Variants in BCAS3 observed in about 807,000 individuals in gnomAD.
BCAS3 encodes the protein BCAS4/BCAS3 fusion.
In BCAS3, 53 loss-of-function variants were observed where a neutral mutation model predicts 116.1. The observed-to-expected ratio is 0.46, with a 90% CI of 0.37 to 0.57. BCAS3 has a LOEUF of 0.57. BCAS3 is among the 20% of genes least tolerant of loss of function. BCAS3 has a pLI of 0.00. For synonymous variants in BCAS3, 391 were observed against 408.2 expected, an observed-to-expected ratio of 0.96 and a Z score of 0.51; for missense variants, 917 against 1,165.4, an observed-to-expected ratio of 0.79 and a Z score of 3.10.
intron 4 of BCAS3, among the ~76,000 whole-genome samples, chr17:60,695,119 A>AT (rs61173709): frequency 0.01 from 1,332 of 129,130 alleles, 21 homozygotes; most frequent in African/African-American, 0.019. Flanking sequence ...TATATACCAC[A>AT]TTTTTTTTTT....
chr17:61,137,416 G>A (rs1231348830), intron 22 of BCAS3, among the ~76,000 whole-genome samples: 2 of 152,214 alleles, frequency 1.3e-5, no homozygotes, highest in Non-Finnish European at 2.9e-5. Flanking sequence ...AAGATAGTAT[G>A]TGCATATAGC....
rs1173263689 is a variant in BCAS3, at chr17:61,084,790, T to C, written c.2425+226T>C. Among the ~76,000 whole-genome samples the C allele has an allele frequency of 6.6e-6, 1 of 152,238 alleles. No homozygotes were observed. The highest frequency in any genetic ancestry group is 6.5e-5 in the Admixed American group (1 of 15,288). On this transcript the variant is annotated intron_variant, in intron 22 of 23. Transcript: ENST00000407086. This position sits in a 1 kb window ranked among gnomAD's most constrained non-coding sequence, Gnocchi z 5.5. Reference sequence around the variant, plus strand: ...TGATGCAGTGGAGTTGGCACTTGATTAAATGTAATGAACATAGTATTGAAG... The same window carrying C: ...TGATGCAGTGGAGTTGGCACTTGATCAAATGTAATGAACATAGTATTGAAG...
At position 60,961,963 on chromosome 17, in the gene BCAS3, TC is replaced by T. The variant is rs1433787017; in HGVS notation, c.1221+14612del. ...AACATTTCACTGTGCCTGGTTTGTT[TC>T]TCTTAACATAATGGCCTCCAGTTTC... On this transcript the variant is annotated intron_variant, in intron 14 of 23. Coordinates refer to ENST00000407086, the MANE Select transcript of BCAS3 (RefSeq NM_017679.5). This position sits in a 1 kb window ranked among gnomAD's most constrained non-coding sequence, Gnocchi z 4.8. Among the ~76,000 whole-genome samples the T allele has an allele frequency of 6.6e-6, 1 of 152,170 alleles. No individual in the cohort carries two copies. The highest frequency in any genetic ancestry group is 1.5e-5 in the Non-Finnish European group (1 of 68,040).
intron 22 of BCAS3, among the ~76,000 whole-genome samples, chr17:61,176,830 GGATT>G (rs2079179935): frequency 1.3e-5 from 2 of 152,226 alleles, no homozygotes; most frequent in South Asian, 4.2e-4. Context: ...CAAAGTGCCA[GGATT>G]ATAGGCATGA....
At position 60,921,700 on chromosome 17, in the gene BCAS3, G is replaced by A. The variant is rs572445837; in HGVS notation, c.994-2707G>A. ...TAGACACTGCAGACTACTAGAGTGG[G>A]GAGGGAGGAAGGAGGAGTATGGGTT... is the stretch of plus-strand genomic sequence containing the variant. On this transcript the variant is annotated intron_variant, in intron 12 of 23. Coordinates refer to ENST00000407086, the MANE Select transcript of BCAS3 (RefSeq NM_017679.5). Among the ~76,000 whole-genome samples the A allele has an allele frequency of 4.6e-5, 7 of 151,974 alleles. No homozygotes were observed. In the East Asian group the frequency reaches 1.4e-3, roughly 29 times the overall value.
intron 12 of BCAS3, among the ~76,000 whole-genome samples, chr17:60,922,847 CAAAG>C (rs570867514): frequency 6.6e-6 from 1 of 151,658 alleles, no homozygotes; most frequent in Non-Finnish European, 1.5e-5. Flanking sequence ...ACTCATGGGT[CAAAG>C]AAAGAAGCTT....
At position 61,059,063 on chromosome 17, in the gene BCAS3, C is replaced by CTTT. The variant is rs869090870; in HGVS notation, c.2030-15822_2030-15820dup. On this transcript the variant is annotated intron_variant, in intron 19 of 23. Transcript: ENST00000407086. ...TCCCCGAACTCTTTTTTCTCCCCAT[C>CTTT]TTTTTTTTTTTTTTTTTTTTTTTTT... 5.4e-3 allele frequency among the ~76,000 whole-genome samples: 178 copies of CTTT among 32,806 alleles called. 48 individuals carry two copies. Among genetic ancestry groups the CTTT allele is most frequent in the East Asian group, 9.1e-3 (10 of 1,098 alleles). The allele number at this position is 32,806 out of a possible 152,430, so 21.5% of individuals were successfully genotyped here.
At chr17:61,112,779 T>C (rs1291820209) in intron 22 of BCAS3, among the ~76,000 whole-genome samples, 1 of 151,756 alleles carries the variant, frequency 6.6e-6, no homozygotes, top group Non-Finnish European at 1.5e-5. Context: ...ATCAACAGAA[T>C]ATACATTTTT....
chr17:61,125,096 T>C (rs1182281865), intron 22 of BCAS3, among the ~76,000 whole-genome samples: 2 of 152,222 alleles, frequency 1.3e-5, no homozygotes, highest in African/African-American at 4.8e-5. Flanking sequence ...TAGTTTTGAA[T>C]GTCTAGGTAT....
At chr17:60,916,805 G>A (rs2058801208) in intron 12 of BCAS3, among the ~76,000 whole-genome samples, 1 of 152,072 alleles carries the variant, frequency 6.6e-6, no homozygotes. Context: ...TCATATTTTT[G>A]ATAAGGTACC....
At chr17:61,114,696 A>G (rs910025460) in intron 22 of BCAS3, among the ~76,000 whole-genome samples, 6 of 152,292 alleles carry the variant, frequency 3.9e-5, no homozygotes, top group African/African-American at 7.2e-5. Flanking sequence ...TGCTATCCCC[A>G]TAAAGCTACC....
At chr17:61,119,245 A>G (rs577659655) in intron 22 of BCAS3, among the ~76,000 whole-genome samples, 242 of 152,332 alleles carry the variant, frequency 1.6e-3, no homozygotes, top group Middle Eastern at 6.8e-3. Context: ...CAAACATAAC[A>G]TACATAAAAG....
rs187273329 is a variant in BCAS3, at chr17:61,150,882, C to T, written c.2425+66318C>T. Reference sequence around the variant, plus strand: ...TTCGTTTCTCACTTACTGAACGTGACTATAAATCCTCCTGTTACTCAAGAT... The same window carrying T: ...TTCGTTTCTCACTTACTGAACGTGATTATAAATCCTCCTGTTACTCAAGAT... On this transcript the variant is annotated intron_variant, in intron 22 of 23. Transcript: ENST00000407086. Among the ~76,000 whole-genome samples, 5 of 152,308 alleles carry T rather than the reference C, an allele frequency of 3.3e-5. No homozygotes were observed. The East Asian group carries it at 7.7e-4, about 23-fold the overall frequency.
At chr17:60,704,194 T>C (rs1311035764) in intron 4 of BCAS3, among the ~76,000 whole-genome samples, 1 of 152,180 alleles carries the variant, frequency 6.6e-6, no homozygotes, top group Non-Finnish European at 1.5e-5. Context: ...AGAAAGGTTA[T>C]CTGCCTGAAC....
chr17:61,253,655 T>C (rs1024081795), intron 22 of BCAS3, among the ~76,000 whole-genome samples: 26 of 151,374 alleles, frequency 1.7e-4, no homozygotes, highest in African/African-American at 6.3e-4. Flanking sequence ...GAGGGGAAGA[T>C]GAATCTCGGA....
chr17:60,824,960 G>A (rs1176647884), intron 7 of BCAS3, among the ~76,000 whole-genome samples: 1 of 152,178 alleles, frequency 6.6e-6, no homozygotes, highest in Non-Finnish European at 1.5e-5. Context: ...GAGCCCAGGA[G>A]TTCGAAACCA....
intron 22 of BCAS3, among the ~76,000 whole-genome samples, chr17:61,089,509 CTTTTTTTTTTTTTTTTTTTTTTTTTT>C (rs71370187): frequency 7.5e-5 from 2 of 26,722 alleles, no homozygotes; most frequent in African/African-American, 1.7e-4. Flanking sequence ...GAGTTTCACT[CTTTTTTTTTTTTTTTTTTTTTTTTTT>C]TTTTTTTTTT....
At chr17:61,062,235 C>T (rs12325784) in intron 19 of BCAS3, among the ~76,000 whole-genome samples, 27,929 of 151,830 alleles carry the variant, frequency 0.18, 2,780 homozygotes, top group African/African-American at 0.24. Flanking sequence ...CAAAAAATAT[C>T]CAGTGGAAAA....
chr17:60,959,918 G>A (rs1001316621), intron 14 of BCAS3, among the ~76,000 whole-genome samples: 1 of 152,152 alleles, frequency 6.6e-6, no homozygotes, highest in African/African-American at 2.4e-5. Context: ...CTCAGTCTCT[G>A]TCTCTCTGAT....
Sources: allele counts gnomAD v4.1 joint callset (sites outside exome capture counted in the v4.1 genomes callset), GRCh38; gene constraint gnomAD v4.1.1; non-coding constraint Gnocchi (gnomAD v3.1); transcripts MANE v1.5; gene names NCBI Gene and HGNC (gene_info 2026-07-23, HGNC 2026-07-21).